Variants in XAF1 observed in about 807,000 individuals in gnomAD.
The protein encoded by XAF1 is XIAP associated factor 1, also known as XIAP-associated factor 1.
Under a neutral mutation model 32.3 loss-of-function variants are expected in XAF1, and 32 were observed. The ratio of observed to expected loss-of-function variants is 0.99; its 90% CI spans 0.75 to 1.33. The LOEUF is 1.33. Among genes scored for constraint, XAF1 ranks in the 40% most tolerant of loss-of-function variants. XAF1 has a pLI of 0.00. For synonymous variants in XAF1, 120 were observed against 125.9 expected (o/e 0.95, Z 0.31); for missense variants, 379 against 366.0 (o/e 1.04, Z -0.29).
At chr17:6,766,297 T>G (rs1975624429) in intron 5 of XAF1, among the ~76,000 whole-genome samples, 1 of 152,206 alleles carries the variant, frequency 6.6e-6, no homozygotes, top group African/African-American at 2.4e-5. Context: ...TTATGGCCCT[T>G]GTTAATTGTC....
At position 6,770,988 on chromosome 17, in the gene XAF1, C is replaced by T; in HGVS notation, c.849+4C>T. ...GCCGATCCTAAATCAACATCAGGTA[C>T]TCAGCCTCTGTTCTCTGCTTACCTT... is the stretch of plus-strand genomic sequence containing the variant. On this transcript the variant is annotated splice_donor_region_variant and intron_variant, in intron 6 of 6. Transcript: ENST00000361842. 3 of 1,613,994 alleles carry T rather than the reference C, an allele frequency of 1.9e-6. No homozygotes were observed. Among genetic ancestry groups the T allele is most frequent in the Non-Finnish European group, 2.5e-6 (3 of 1,179,902 alleles).
chr17:6,757,960 G>A (rs978548413), intron 1 of XAF1, 129 bp from the exon 2 acceptor site: 2 of 1,254,650 alleles, frequency 1.6e-6, no homozygotes, highest in Non-Finnish European at 2.3e-6. Context: ...TGGGGCAGGT[G>A]GTGTCATCAT....
chr17:6,770,650 G>A lies in XAF1; in HGVS notation c.515G>A (p.Cys172Tyr). 6.3e-7 allele frequency: 1 copy of A among 1,585,576 alleles called. No individual in the cohort carries two copies. Among genetic ancestry groups the A allele is most frequent in the Non-Finnish European group, 8.5e-7 (1 of 1,170,172 alleles). Residue 172 changes from cysteine to tyrosine, a missense_variant, in exon 6 of 7, where the codon TGT (cysteine) becomes TAT (tyrosine). By Grantham distance (194) the Cys-to-Tyr change is radical. Coordinates refer to ENST00000361842, the MANE Select transcript of XAF1 (RefSeq NM_017523.5). Reference protein sequence around the residue: ...ENKYFHHMGKCCPDSEFKKHF... With the variant: ...ENKYFHHMGKYCPDSEFKKHF... The stretch of plus-strand genomic sequence containing the variant: ...TATTATTCACAATTGCAGGGTAAAT[G>A]TTGTCCAGACTCAGAGTTTAAGAAA...
chr17:6,756,067 A>T lies in XAF1; in HGVS notation c.-12A>T. 1 of 1,613,974 alleles carries T rather than the reference A, an allele frequency of 6.2e-7. No individual in the cohort carries two copies. The highest frequency in any genetic ancestry group is 8.5e-7 in the Non-Finnish European group (1 of 1,179,966). On this transcript the variant is annotated 5_prime_UTR_variant, in exon 1 of 7. Transcript: ENST00000361842. ...AAACGAAACTCAACCGAAAGCCTGC[A>T]GAGAGCAGAACATGGAAGGAGACTT...
intron 3 of XAF1, 50 bp from the exon 4 acceptor site, chr17:6,760,347 CAAAAAAAAA>C (rs71383422): frequency 8.6e-6 from 9 of 1,046,830 alleles, no homozygotes; most frequent in African/African-American, 7.3e-5. Context: ...GACTCTGTCT[CAAAAAAAAA>C]AAAAAAAAAA....
At chr17:6,761,847 G>T in intron 4 of XAF1, 1 of 1,393,728 alleles carries the variant, frequency 7.2e-7, no homozygotes, top group Non-Finnish European at 9.5e-7. Flanking sequence ...GAATGGAGGG[G>T]GTTGGCATCC....
At chr17:6,772,874 T>C in intron 6 of XAF1, 1 of 433,840 alleles carries the variant, frequency 2.3e-6, no homozygotes, top group Non-Finnish European at 4.0e-6. Flanking sequence ...GATTCCATGG[T>C]GTGAGTGTTC....
chr17:6,763,116 C>A lies in XAF1; in HGVS notation c.507+876C>A, dbSNP rs115641807. On this transcript the variant is annotated intron_variant, in intron 5 of 6. Coordinates refer to ENST00000361842, the MANE Select transcript of XAF1 (RefSeq NM_017523.5). The stretch of plus-strand genomic sequence containing the variant: ...GAAATCCTATACCCATTAGCAGGTA[C>A]TGTACATTCCCTCATCTTCCCAGTT... 6.6e-3 allele frequency among the ~76,000 whole-genome samples: 1,002 copies of A among 152,304 alleles called. 12 individuals carry two copies. Among genetic ancestry groups the A allele is most frequent in the African/African-American group, 0.023 (949 of 41,570 alleles).
At chr17:6,772,925 G>A (rs1976163136) in intron 6 of XAF1, 188 bp from the exon 7 acceptor site, 5 of 524,658 alleles carry the variant, frequency 9.5e-6, no homozygotes, top group Non-Finnish European at 1.7e-5. Context: ...ACAGGCCCCT[G>A]TTAAACTTTG....
In XAF1 at chr17:6,775,593, C is replaced by T. The variant is rs1976363807; in HGVS notation, c.*2424C>T. On this transcript the variant is annotated 3_prime_UTR_variant, in exon 7 of 7. Transcript: ENST00000361842. ...CTACAGCCTGGAGAACCTGGAGAAT[C>T]CTACACCCACAGAACCCGGCTTTGT... The T allele has an allele frequency of 6.6e-6, 1 of 152,234 alleles. No homozygotes were observed. 9.4% of individuals were successfully genotyped at this position (152,234 alleles called of 1,614,324 possible). A position where few individuals can be genotyped will look rare whatever the true frequency, so the allele number is the denominator to read the frequency against.
rs1258209010 is a variant in XAF1, at chr17:6,773,220, T to TGGCA, written c.*52_*55dup. On this transcript the variant is annotated 3_prime_UTR_variant, in exon 7 of 7. Transcript: ENST00000361842. ...ATTCAAAAGATTTCACTTTTAACAC[T>TGGCA]GGCATTCCTGCCTACTTGCTGTGGT... 2.7e-6 allele frequency: 4 copies of TGGCA among 1,503,872 alleles called. No homozygotes were observed. In the East Asian group the frequency reaches 9.3e-5, roughly 35 times the overall value. The allele number at this position is 1,503,872 out of a possible 1,614,324, so 93.2% of individuals were successfully genotyped here.
Position 6,760,483 on chromosome 17 carries a change from C to T in XAF1, c.303C>T (p.His101=), listed in dbSNP as rs199511229. The part of the protein sequence containing the change: ...LDMQLSKLEL[H]ESYCGSRTEL... ...TGCAGCTCAGCAAGCTGGAGCTCCA[C>T]GAGTCCTACTGTGGCAGCCGGACAG... is the stretch of plus-strand genomic sequence containing the variant. The change falls in exon 4 of 7, where the codon CAC becomes CAT. Residue 101 remains histidine (H), a synonymous_variant. Coordinates refer to ENST00000361842, the MANE Select transcript of XAF1 (RefSeq NM_017523.5). 4.3e-5 allele frequency: 69 copies of T among 1,613,398 alleles called. No homozygotes were observed. The East Asian group carries it at 1.2e-3, about 29-fold the overall frequency.
At chr17:6,771,033 G>A in intron 6 of XAF1, 49 bp downstream of exon 6, 1 of 1,573,206 alleles carries the variant, frequency 6.4e-7, no homozygotes, top group Non-Finnish European at 8.6e-7. Context: ...CATCCGCACA[G>A]TGTCTTAAAA....
intron 5 of XAF1, among the ~76,000 whole-genome samples, chr17:6,766,861 T>G (rs1426687154): frequency 1.3e-5 from 2 of 152,224 alleles, no homozygotes; most frequent in Non-Finnish European, 2.9e-5. Flanking sequence ...CCAGGCTTGA[T>G]GATTAGCTGT....
chr17:6,762,881 T>C (rs1029822865), intron 5 of XAF1, among the ~76,000 whole-genome samples: 22 of 152,342 alleles, frequency 1.4e-4, no homozygotes, highest in African/African-American at 5.3e-4. Context: ...CAGAAAGTTG[T>C]TTACCTTTCT....
chr17:6,772,057 T>C (rs900484707), intron 6 of XAF1: 12 of 152,230 alleles, frequency 7.9e-5, no homozygotes, highest in African/African-American at 2.9e-4. Flanking sequence ...CAAAACCTTT[T>C]TTTCTAACTT....
intron 2 of XAF1, chr17:6,759,456 C>T: frequency 7.0e-7 from 1 of 1,420,720 alleles, no homozygotes; most frequent in African/African-American, 1.4e-5. Flanking sequence ...GCAGCCGTTG[C>T]CAACTCAGAC....
intron 4 of XAF1, 146 bp from the exon 5 acceptor site, chr17:6,762,009 T>C (rs1487630472): frequency 2.6e-6 from 4 of 1,539,988 alleles, no homozygotes; most frequent in Non-Finnish European, 8.7e-7. Context: ...TGGTCAAGGA[T>C]GCCGGCAGCG....
intron 6 of XAF1, 88 bp downstream of exon 6, chr17:6,771,072 ATGT>A (rs113658137): frequency 1.4e-6 from 2 of 1,464,558 alleles, no homozygotes; most frequent in African/African-American, 1.4e-5. Flanking sequence ...ATGTTCACAA[ATGT>A]TGTGGCTGAA....
Sources: allele counts gnomAD v4.1 joint callset (sites outside exome capture counted in the v4.1 genomes callset), GRCh38; gene constraint gnomAD v4.1.1; transcripts MANE v1.5; gene names NCBI Gene and HGNC (gene_info 2026-07-23, HGNC 2026-07-21).